SHISA9: variants seen among roughly 807,000 people sequenced by gnomAD.
SHISA9 encodes the protein protein shisa-9.
A neutral mutation model predicts 38.0 loss-of-function variants in SHISA9; 13 were observed. The ratio of observed to expected loss-of-function variants is 0.34; its 90% confidence interval spans 0.22 to 0.54. SHISA9 has a LOEUF of 0.54. Among genes scored for constraint, SHISA9 ranks in the 20% least tolerant of loss-of-function variants. SHISA9 has a pLI of 0.91. For synonymous variants in SHISA9, 275 were observed against 242.0 expected (o/e 1.14, Z -1.27); for missense variants, 538 against 575.8 (o/e 0.93, Z 0.67).
chr16:12,951,718 A>G (rs1009887353), intron 2 of SHISA9, among the ~76,000 whole-genome samples: 2 of 152,152 alleles, frequency 1.3e-5, no homozygotes, highest in African/African-American at 4.8e-5. Context: ...TCTCCTGGTT[A>G]GAGAAGAATT....
At chr16:13,039,744 T>G (rs1035119348) in intron 2 of SHISA9, among the ~76,000 whole-genome samples, 8 of 152,084 alleles carry the variant, frequency 5.3e-5, no homozygotes, top group Admixed American at 4.6e-4. Flanking sequence ...CTGTTCTTTG[T>G]CAAAGACTGC....
At chr16:12,951,109 T>G (rs1406554734) in intron 2 of SHISA9, among the ~76,000 whole-genome samples, 1 of 146,976 alleles carries the variant, frequency 6.8e-6, no homozygotes, top group Non-Finnish European at 1.5e-5. Flanking sequence ...TAATCCCAGC[T>G]ACTTGGGAGA....
At chr16:12,946,323 A>G (rs144044764) in intron 2 of SHISA9, among the ~76,000 whole-genome samples, 7 of 152,296 alleles carry the variant, frequency 4.6e-5, no homozygotes, top group East Asian at 1.9e-4. Context: ...TGGCTATAGA[A>G]TCTCATAGTC....
intron 2 of SHISA9, among the ~76,000 whole-genome samples, chr16:13,000,605 G>T (rs1023222604): frequency 1.3e-5 from 2 of 152,156 alleles, no homozygotes; most frequent in Non-Finnish European, 2.9e-5. Flanking sequence ...TCAGCCTGTA[G>T]CAGGAGCATC....
At chr16:13,505,792 A>G in the SHISA9 span, among the ~76,000 whole-genome samples, 1 of 152,242 alleles carries the variant, frequency 6.6e-6, no homozygotes, top group African/African-American at 2.4e-5. Context: ...TTGTCTTAAC[A>G]GAACAAATCA....
chr16:13,401,350 T>C, the SHISA9 span, among the ~76,000 whole-genome samples: 1 of 152,178 alleles, frequency 6.6e-6, no homozygotes, highest in African/African-American at 2.4e-5. Context: ...ACTGCCAGTC[T>C]GACTCCAGAG....
At chr16:13,121,241 C>T (rs1220731032) in intron 2 of SHISA9, among the ~76,000 whole-genome samples, 1 of 152,164 alleles carries the variant, frequency 6.6e-6, no homozygotes, top group Non-Finnish European at 1.5e-5. Context: ...GTAATCACAG[C>T]ACTTTGGGAG....
chr16:13,532,642 G>A, the SHISA9 span, among the ~76,000 whole-genome samples: 2 of 151,954 alleles, frequency 1.3e-5, no homozygotes, highest in Non-Finnish European at 2.9e-5. Context: ...TACCTCATGT[G>A]CCAAAAGTTG....
the SHISA9 span, among the ~76,000 whole-genome samples, chr16:13,536,621 AG>A: frequency 6.6e-6 from 1 of 152,252 alleles, no homozygotes; most frequent in Non-Finnish European, 1.5e-5. Context: ...CTAGCAAAGA[AG>A]AAGACGCTGG....
Position 13,213,792 on chromosome 16 carries a change from G to A in SHISA9, c.895+492G>A, listed in dbSNP as rs561815575. Among the ~76,000 whole-genome samples, 198 of 152,302 alleles carry A rather than the reference G, an allele frequency of 1.3e-3. 1 individual carries two copies. Among genetic ancestry groups the A allele is most frequent in the African/African-American group, 4.6e-3 (192 of 41,566 alleles). The stretch of plus-strand genomic sequence containing the variant: ...ACAGCGTGGTGAGCAGAGAGGGTTA[G>A]GAAGTTGGTCGACTTGAGTCTGTGA... On this transcript the variant is annotated intron_variant, in intron 4 of 4. Coordinates refer to ENST00000558583, the MANE Select transcript of SHISA9 (RefSeq NM_001145204.3).
intron 3 of SHISA9, among the ~76,000 whole-genome samples, chr16:13,205,499 A>C (rs986392829): frequency 1.3e-5 from 2 of 152,172 alleles, no homozygotes; most frequent in African/African-American, 2.4e-5. Context: ...TGTGAGTTCA[A>C]ATCCTGGCTC....
chr16:13,472,448 G>A, the SHISA9 span, among the ~76,000 whole-genome samples: 1 of 126,294 alleles, frequency 7.9e-6, no homozygotes, highest in Non-Finnish European at 1.6e-5. Flanking sequence ...CTGGAGTGCC[G>A]TGGAACAATC....
chr16:13,160,286 C>T (rs549474794), intron 2 of SHISA9, among the ~76,000 whole-genome samples: 2 of 152,198 alleles, frequency 1.3e-5, no homozygotes, highest in South Asian at 4.1e-4. Flanking sequence ...GTGGATACAG[C>T]TTAGTTAATA....
intron 2 of SHISA9, among the ~76,000 whole-genome samples, chr16:12,969,208 A>C (rs914289631): frequency 2.6e-5 from 4 of 151,748 alleles, no homozygotes; most frequent in African/African-American, 9.7e-5. Context: ...GATTCAGCCC[A>C]CAGTTTGTAG....
the SHISA9 span, among the ~76,000 whole-genome samples, chr16:13,351,931 C>A: frequency 9.8e-5 from 15 of 152,296 alleles, no homozygotes; most frequent in South Asian, 3.1e-3. Context: ...AAATTCACTG[C>A]TGGAAGACAG....
chr16:12,918,689 A>T (rs1334243821), intron 2 of SHISA9, among the ~76,000 whole-genome samples: 1 of 152,222 alleles, frequency 6.6e-6, no homozygotes, highest in East Asian at 1.9e-4. Context: ...CTAAGTAATC[A>T]GTGATCTTTT....
At chr16:13,316,164 G>C in the SHISA9 span, among the ~76,000 whole-genome samples, 1 of 152,266 alleles carries the variant, frequency 6.6e-6, no homozygotes, top group South Asian at 2.1e-4. Flanking sequence ...GCTACCCACA[G>C]TCTGGATGGC....
chr16:12,984,105 G>A (rs1270142965), intron 2 of SHISA9, among the ~76,000 whole-genome samples: 1 of 152,184 alleles, frequency 6.6e-6, no homozygotes, highest in East Asian at 1.9e-4. Flanking sequence ...TGTAATCCCA[G>A]GTTTTTCAGC....
At chr16:13,463,554 C>T in the SHISA9 span, among the ~76,000 whole-genome samples, 5 of 152,170 alleles carry the variant, frequency 3.3e-5, no homozygotes, top group African/African-American at 1.2e-4. Flanking sequence ...TTGATCTTGG[C>T]TTGGTGCTTC....
Sources: gnomAD v4.1 joint callset for allele counts (sites outside exome capture counted in the v4.1 genomes callset) on GRCh38, gnomAD v4.1.1 for gene constraint, MANE v1.5 for transcripts, NCBI Gene and HGNC (gene_info 2026-07-23, HGNC 2026-07-21) for gene names.